Variants in PTPRC observed in about 807,000 individuals in gnomAD.
PTPRC encodes the protein protein tyrosine phosphatase receptor type C.
PTPRC carries 44 observed loss-of-function variants against 155.9 expected under a neutral mutation model. The observed-to-expected ratio is 0.28, with a 90% confidence interval of 0.22 to 0.36. PTPRC has a LOEUF of 0.36. Among genes scored for constraint, PTPRC ranks in the 10% least tolerant of loss-of-function variants. PTPRC has a pLI of 1.00. For missense variants in PTPRC, 1,401 were observed against 1,564.6 expected (o/e 0.90, Z 1.76); for synonymous variants, 525 against 533.1 (o/e 0.98, Z 0.21).
At chr1:198,755,172 G>T (rs1655572878) in intron 32 of PTPRC, among the ~76,000 whole-genome samples, 1 of 152,084 alleles carries the variant, frequency 6.6e-6, no homozygotes, top group Non-Finnish European at 1.5e-5. Context: ...CTTCTTGAGA[G>T]GGCCTGCAAA....
intron 2 of PTPRC, among the ~76,000 whole-genome samples, chr1:198,687,207 G>A (rs571381954): frequency 3.9e-4 from 60 of 152,206 alleles, no homozygotes; most frequent in Non-Finnish European, 6.9e-4. Context: ...TCCCAGACTG[G>A]ATTGCTTGGT....
chr1:198,750,673 G>A (rs1223149940), intron 29 of PTPRC, 47 bp downstream of exon 29: 12 of 1,597,998 alleles, frequency 7.5e-6, no homozygotes, highest in East Asian at 2.2e-5. Flanking sequence ...GTCATAAAAC[G>A]TCATTCTCTA....
Position 198,693,983 on chromosome 1 carries a change from T to G in PTPRC, c.100+1610T>G, listed in dbSNP as rs1243179162. ...TGTATATGAGGGGTAGTTTATGTGA[T>G]TGACACACAATCACGAGGTGAATTC... On this transcript the variant is annotated intron_variant, in intron 3 of 32. Coordinates refer to ENST00000442510, the MANE Select transcript of PTPRC (RefSeq NM_002838.5). 3.9e-6 allele frequency: 6 copies of G among 1,539,736 alleles called. 1 individual carries two copies. The Admixed American group carries it at 1.2e-4, about 31-fold the overall frequency.
chr1:198,753,448 G>A (rs952698224), intron 31 of PTPRC, among the ~76,000 whole-genome samples: 8 of 151,784 alleles, frequency 5.3e-5, no homozygotes, highest in African/African-American at 1.2e-4. Context: ...AATGAGAAAC[G>A]AAAAATAGTA....
chr1:198,722,910 A>G (rs924126155), intron 15 of PTPRC, among the ~76,000 whole-genome samples: 5 of 151,826 alleles, frequency 3.3e-5, no homozygotes, highest in Non-Finnish European at 7.4e-5. Context: ...CTCCCTAATA[A>G]CAATATACTT....
At position 198,731,611 on chromosome 1, in the gene PTPRC, T is replaced by A; in HGVS notation, c.1865-6T>A. The A allele has an allele frequency of 6.3e-7, 1 of 1,590,394 alleles. No individual in the cohort carries two copies. The highest frequency in any genetic ancestry group is 8.6e-7 in the Non-Finnish European group (1 of 1,159,090). On this transcript the variant is annotated splice_polypyrimidine_tract_variant and splice_region_variant and intron_variant, in intron 17 of 32. Coordinates refer to ENST00000442510, the MANE Select transcript of PTPRC (RefSeq NM_002838.5). The stretch of plus-strand genomic sequence containing the variant: ...AACTAGTATTGAATCTTTAATATGT[T>A]TCCAGATGATGAAAAACAACTGATG...
chr1:198,651,318 GT>G (rs1663236883), intron 2 of PTPRC, among the ~76,000 whole-genome samples: 2 of 151,416 alleles, frequency 1.3e-5, no homozygotes, highest in African/African-American at 2.4e-5. Context: ...GTGTGTGTGT[GT>G]GTGTATTGGT....
At chr1:198,685,465 C>T (rs1243094496) in intron 2 of PTPRC, among the ~76,000 whole-genome samples, 1 of 151,898 alleles carries the variant, frequency 6.6e-6, no homozygotes, top group Non-Finnish European at 1.5e-5. Flanking sequence ...ATTATATTTA[C>T]TGATAAGCTA....
intron 5 of PTPRC, among the ~76,000 whole-genome samples, chr1:198,701,240 C>T (rs931245965): frequency 6.6e-6 from 1 of 152,166 alleles, no homozygotes; most frequent in Non-Finnish European, 1.5e-5. Flanking sequence ...TTGGAAGATG[C>T]ATTTTCAATT....
intron 2 of PTPRC, among the ~76,000 whole-genome samples, chr1:198,662,137 T>C (rs970332842): frequency 1.3e-5 from 2 of 152,174 alleles, no homozygotes; most frequent in Non-Finnish European, 2.9e-5. Flanking sequence ...ACTTCCATGA[T>C]GTATTGATGT....
intron 2 of PTPRC, among the ~76,000 whole-genome samples, chr1:198,639,940 T>G (rs1346814133): frequency 1.3e-5 from 2 of 152,056 alleles, no homozygotes; most frequent in Non-Finnish European, 2.9e-5. Flanking sequence ...AAGTTTTTAG[T>G]TTCTTGTTAA....
chr1:198,703,443 C>G (rs1666562862), intron 7 of PTPRC, 71 bp downstream of exon 7: 1 of 1,604,482 alleles, frequency 6.2e-7, no homozygotes. Context: ...CAAGGGCCTT[C>G]CACCCACTCT....
chr1:198,740,850 G>T (rs1654868014), intron 23 of PTPRC, among the ~76,000 whole-genome samples: 1 of 151,766 alleles, frequency 6.6e-6, no homozygotes, highest in Admixed American at 6.6e-5. Context: ...CTTTACATGG[G>T]GGTTAAGATT....
chr1:198,669,212 G>C (rs529096961), intron 2 of PTPRC, among the ~76,000 whole-genome samples: 2 of 152,160 alleles, frequency 1.3e-5, no homozygotes, highest in Non-Finnish European at 2.9e-5. Flanking sequence ...AGTTCAAACC[G>C]TGGTAGATTT....
intron 3 of PTPRC, chr1:198,692,795 A>G (rs1665999465): frequency 1.1e-6 from 1 of 914,710 alleles, no homozygotes; most frequent in South Asian, 5.0e-5. Flanking sequence ...CTTTAAGAGT[A>G]TGTTGCTTTT....
intron 2 of PTPRC, among the ~76,000 whole-genome samples, chr1:198,643,375 A>G (rs1662750485): frequency 1.3e-5 from 2 of 151,948 alleles, no homozygotes; most frequent in South Asian, 4.1e-4. Flanking sequence ...GTAGTGACAA[A>G]GGAAAGGAAA....
chr1:198,706,634 T>A (rs1025829451), intron 8 of PTPRC, 100 bp from the exon 9 acceptor site: 2 of 1,302,106 alleles, frequency 1.5e-6, no homozygotes, highest in Admixed American at 4.3e-5. Flanking sequence ...TTCATGTTTT[T>A]TGGGGATATT....
intron 2 of PTPRC, among the ~76,000 whole-genome samples, chr1:198,643,938 T>C (rs1662789741): frequency 6.6e-6 from 1 of 151,934 alleles, no homozygotes; most frequent in Non-Finnish European, 1.5e-5. Flanking sequence ...CTGGGAATAA[T>C]TTCTTTACAG....
chr1:198,682,578 A>G (rs757139367), intron 2 of PTPRC, among the ~76,000 whole-genome samples: 29 of 152,148 alleles, frequency 1.9e-4, no homozygotes, highest in Non-Finnish European at 3.7e-4. Context: ...TTTATTTTCT[A>G]TGGGGAGCTT....
Sources: gnomAD v4.1 joint callset for allele counts (sites outside exome capture counted in the v4.1 genomes callset) on GRCh38, gnomAD v4.1.1 for gene constraint, MANE v1.5 for transcripts, NCBI Gene and HGNC (gene_info 2026-07-23, HGNC 2026-07-21) for gene names.